Variants in GRIA3 observed in about 807,000 individuals in gnomAD.
GRIA3 encodes glutamate receptor 3.
Under a neutral mutation model 63.0 loss-of-function variants are expected in GRIA3, and 3 were observed. The observed-to-expected ratio is 0.05, with a 90% CI of 0.02 to 0.12. GRIA3 has a LOEUF of 0.12. Among genes scored for constraint, GRIA3 ranks in the 10% least tolerant of loss-of-function variants. The pLI, the probability that GRIA3 is intolerant of heterozygous loss-of-function variation, is 1.00. For synonymous variants in GRIA3, 274 were observed against 257.9 expected (o/e 1.06, Z -0.60); for missense variants, 347 against 700.9 (o/e 0.50, Z 5.70).
chrX:123,394,662 C>A (rs2045403901), intron 5 of GRIA3, among the ~76,000 whole-genome samples: 2 of 112,189 alleles, frequency 1.8e-5, no homozygotes, highest in South Asian at 7.4e-4. Context: ...TGAAGAAAGA[C>A]TAAAAATACA....
intron 12 of GRIA3, among the ~76,000 whole-genome samples, chrX:123,445,468 A>C (rs895577228): frequency 1.8e-5 from 2 of 112,075 alleles, no homozygotes; most frequent in Non-Finnish European, 3.8e-5. Context: ...AGGATCTCCC[A>C]CCTTGAAGCT....
chrX:123,237,468 CA>C (rs1368291311), intron 2 of GRIA3, among the ~76,000 whole-genome samples: 1 of 112,005 alleles, frequency 8.9e-6, no homozygotes. Flanking sequence ...TAAAATAAGA[CA>C]GAGTGTGCTC....
At chrX:123,244,812 A>G (rs370717599) in intron 2 of GRIA3, among the ~76,000 whole-genome samples, 1 of 112,609 alleles carries the variant, frequency 8.9e-6, no homozygotes, top group African/African-American at 3.2e-5. Context: ...CAAAATGTCA[A>G]TATTGCCAAG....
intron 2 of GRIA3, among the ~76,000 whole-genome samples, chrX:123,247,345 T>C (rs1049402765): frequency 9.0e-6 from 1 of 111,541 alleles, no homozygotes; most frequent in Non-Finnish European, 1.9e-5. Context: ...GGTGCCACAC[T>C]GTACATTAAC....
chrX:123,333,483 T>C (rs2044954821), intron 4 of GRIA3, among the ~76,000 whole-genome samples: 1 of 111,655 alleles, frequency 9.0e-6, no homozygotes, highest in South Asian at 3.7e-4. Flanking sequence ...ACAAAAGTTC[T>C]TTCTTTCTTT....
chrX:123,374,466 T>C (rs2045270918), intron 5 of GRIA3, among the ~76,000 whole-genome samples: 1 of 112,077 alleles, frequency 8.9e-6, no homozygotes, highest in Non-Finnish European at 1.9e-5. Flanking sequence ...ATTTTCACGA[T>C]ATTGATTCTT....
At chrX:123,385,204 A>G (rs2045347742) in intron 5 of GRIA3, among the ~76,000 whole-genome samples, 1 of 111,877 alleles carries the variant, frequency 8.9e-6, no homozygotes, top group Non-Finnish European at 1.9e-5. Context: ...TCCCATTTCA[A>G]TCTTCTGCAC....
chrX:123,344,003 G>A (rs149363319), intron 4 of GRIA3, among the ~76,000 whole-genome samples: 2,544 of 111,284 alleles, frequency 0.023, 93 homozygotes, highest in African/African-American at 0.079. Context: ...AAAAGTAAGT[G>A]TCCTAGTTAC....
chrX:123,358,605 A>C (rs2045148581), intron 5 of GRIA3: 1 of 112,533 alleles, frequency 8.9e-6, no homozygotes, highest in Non-Finnish European at 1.9e-5. Context: ...AGAAGTGGAC[A>C]TCCCAATAGA....
intron 3 of GRIA3, among the ~76,000 whole-genome samples, chrX:123,299,598 A>G (rs1603078756): frequency 9.0e-6 from 1 of 111,623 alleles, no homozygotes; most frequent in East Asian, 2.8e-4. Context: ...GACTTTGCTG[A>G]AGTTGCTTAT....
intron 14 of GRIA3, among the ~76,000 whole-genome samples, chrX:123,481,803 A>T (rs1445304744): frequency 8.9e-6 from 1 of 111,811 alleles, no homozygotes; most frequent in Non-Finnish European, 1.9e-5. Context: ...AGCAGTTCAG[A>T]TTTTGCTTTT....
rs1429919716 is a variant in GRIA3 at position 123,289,543 on chromosome X, AAGTGCCTTG to A, written c.508+36005_508+36013del. On this transcript the variant is annotated intron_variant, in intron 3 of 15. Coordinates refer to ENST00000620443, the MANE Select transcript of GRIA3 (RefSeq NM_007325.5). ...GTGAGACCTGGGAATCTGGAATCTT[AAGTGCCTTG>A]AGTCATTGGGCTTTTCTGAGGCACA... Among the ~76,000 whole-genome samples, 7 of 110,726 alleles carry A rather than the reference AAGTGCCTTG, an allele frequency of 6.3e-5. No individual in the cohort carries two copies. In the Admixed American group the frequency reaches 6.8e-4, roughly 11 times the overall value.
At chrX:123,401,678 G>A (rs1256564294) in intron 7 of GRIA3, among the ~76,000 whole-genome samples, 1 of 111,721 alleles carries the variant, frequency 9.0e-6, no homozygotes, top group African/African-American at 3.3e-5. Context: ...CCTACTGGTG[G>A]TGAACAAGCC....
chrX:123,229,277 A>G (rs147726299), intron 2 of GRIA3, among the ~76,000 whole-genome samples: 1 of 112,016 alleles, frequency 8.9e-6, no homozygotes, highest in East Asian at 2.8e-4. Context: ...ACTGTATATA[A>G]CATTCATCAT....
intron 5 of GRIA3, among the ~76,000 whole-genome samples, chrX:123,372,579 A>G (rs1431272143): frequency 9.0e-6 from 1 of 111,471 alleles, no homozygotes; most frequent in Non-Finnish European, 1.9e-5. Flanking sequence ...TTCATTGCAG[A>G]TATCTTTTAC....
chrX:123,276,207 T>G (rs11260422), intron 3 of GRIA3, among the ~76,000 whole-genome samples: 43,507 of 110,502 alleles, frequency 0.39, 7,853 homozygotes, highest in African/African-American at 0.71. Context: ...TAGTGCATTT[T>G]CTTTTAGTTC....
intron 3 of GRIA3, among the ~76,000 whole-genome samples, chrX:123,297,886 C>T (rs1310515817): frequency 9.1e-6 from 1 of 110,036 alleles, no homozygotes; most frequent in African/African-American, 3.3e-5. Flanking sequence ...ACCCTCCACC[C>T]TCTGAGAGGC....
At chrX:123,427,418 A>C (rs1001366216) in intron 11 of GRIA3, among the ~76,000 whole-genome samples, 1 of 111,735 alleles carries the variant, frequency 8.9e-6, no homozygotes, top group Non-Finnish European at 1.9e-5. Context: ...GGTGATTTTA[A>C]TGTGGAGCCA....
intron 12 of GRIA3, among the ~76,000 whole-genome samples, chrX:123,449,001 G>C (rs1191268768): frequency 1.8e-5 from 2 of 112,173 alleles, no homozygotes; most frequent in African/African-American, 6.5e-5. Context: ...CTGAGTCTCA[G>C]TGAGGTTGAA....
Sources: gnomAD v4.1 joint callset for allele counts (sites outside exome capture counted in the v4.1 genomes callset) on GRCh38, gnomAD v4.1.1 for gene constraint, MANE v1.5 for transcripts, NCBI Gene and HGNC (gene_info 2026-07-23, HGNC 2026-07-21) for gene names.